Variants in GALNT2 observed in about 807,000 individuals in gnomAD.
GALNT2 encodes UDP-GalNAc:polypeptide N-acetylgalactosaminyltransferase 2.
Under a neutral mutation model 81.4 loss-of-function variants are expected in GALNT2, and 31 were observed. The ratio of observed to expected loss-of-function variants is 0.38; its 90% CI spans 0.29 to 0.51. GALNT2 has a LOEUF of 0.51. Among genes scored for constraint, GALNT2 ranks in the 20% least tolerant of loss-of-function variants. GALNT2 has a pLI of 0.87. For synonymous variants in GALNT2, 303 were observed against 287.4 expected, an observed-to-expected ratio of 1.05 and a Z score of -0.55; for missense variants, 629 against 765.7, an observed-to-expected ratio of 0.82 and a Z score of 2.11.
intron 3 of GALNT2, among the ~76,000 whole-genome samples, chr1:230,211,590 G>T (rs1052861075): frequency 6.6e-6 from 1 of 151,962 alleles, no homozygotes; most frequent in Non-Finnish European, 1.5e-5. Flanking sequence ...AGACCAACCT[G>T]GGCAATATAG....
intron 10 of GALNT2, among the ~76,000 whole-genome samples, chr1:230,253,002 G>A (rs61823321): frequency 3.3e-5 from 5 of 151,752 alleles, no homozygotes; most frequent in South Asian, 2.1e-4. Context: ...ATGTGCCACC[G>A]TGCCCGGCTA....
At chr1:230,223,524 A>G (rs538878065) in intron 3 of GALNT2, among the ~76,000 whole-genome samples, 28 of 151,998 alleles carry the variant, frequency 1.8e-4, no homozygotes, top group Non-Finnish European at 3.4e-4. Context: ...GCTGGAGTAC[A>G]GTGGTGTGAT....
intron 3 of GALNT2, among the ~76,000 whole-genome samples, chr1:230,219,209 G>T (rs550013437): frequency 6.6e-6 from 1 of 152,178 alleles, no homozygotes; most frequent in East Asian, 1.9e-4. Context: ...CTTTGCCATG[G>T]CCCTTTAAAC....
intron 1 of GALNT2, among the ~76,000 whole-genome samples, chr1:230,148,040 A>C (rs966685727): frequency 1.3e-5 from 2 of 152,204 alleles, no homozygotes; most frequent in Non-Finnish European, 2.9e-5. Context: ...GTATTATTAC[A>C]TACAGGTGCA....
intron 2 of GALNT2, among the ~76,000 whole-genome samples, chr1:230,186,353 C>A (rs1663336951): frequency 6.6e-6 from 1 of 152,154 alleles, no homozygotes; most frequent in East Asian, 1.9e-4. Flanking sequence ...TGCATGCAGT[C>A]AATTTGTGTG....
chr1:230,062,967 A>G (rs1659084619), upstream of GALNT2, among the ~76,000 whole-genome samples: 1 of 152,126 alleles, frequency 6.6e-6, no homozygotes, highest in Non-Finnish European at 1.5e-5. Context: ...AAGGGTTCCA[A>G]TTTCTCTACA....
At chr1:230,068,382 C>G (rs941649622) in intron 1 of GALNT2, among the ~76,000 whole-genome samples, 8 of 152,204 alleles carry the variant, frequency 5.3e-5, no homozygotes, top group African/African-American at 1.7e-4. Flanking sequence ...TGGAGCATGC[C>G]GGCAGGGGAC....
At chr1:230,066,107 A>G (rs1659167253), upstream of GALNT2, among the ~76,000 whole-genome samples, 1 of 152,222 alleles carries the variant, frequency 6.6e-6, no homozygotes, top group Non-Finnish European at 1.5e-5. Flanking sequence ...ATTCTCTCTA[A>G]GTAATGCTGA....
intron 2 of GALNT2, among the ~76,000 whole-genome samples, chr1:230,201,639 C>T (rs746787004): frequency 1.1e-4 from 17 of 152,168 alleles, no homozygotes; most frequent in Non-Finnish European, 2.5e-4. Flanking sequence ...GCTGTCTCCC[C>T]CTTGCTGCCC....
At chr1:230,120,148 T>C (rs1412050821) in intron 1 of GALNT2, among the ~76,000 whole-genome samples, 1 of 146,182 alleles carries the variant, frequency 6.8e-6, no homozygotes, top group Non-Finnish European at 1.5e-5. Flanking sequence ...CACTAGCCTC[T>C]TGCATGCGTT....
intron 1 of GALNT2, among the ~76,000 whole-genome samples, chr1:230,097,703 T>C: frequency 6.6e-6 from 1 of 152,214 alleles, no homozygotes; most frequent in East Asian, 1.9e-4. Context: ...TCATGACTAG[T>C]AATGCTGTTC....
chr1:230,265,223 T>A lies in GALNT2; in HGVS notation c.1314-18T>A, dbSNP rs780325790. On this transcript the variant is annotated intron_variant, in intron 13 of 15. Coordinates refer to ENST00000366672, the MANE Select transcript of GALNT2 (RefSeq NM_004481.5). The stretch of plus-strand genomic sequence containing the variant: ...GGTCATGTGCAGTGAAGCAGGTGAT[T>A]CTCACGTTGTTTTTCAGGGTTCCAG... 1 of 1,614,116 alleles carries A rather than the reference T, an allele frequency of 6.2e-7. No individual in the cohort carries two copies. The highest frequency in any genetic ancestry group is 8.5e-7 in the Non-Finnish European group (1 of 1,179,980).
intron 4 of GALNT2, 62 bp from the exon 5 acceptor site, chr1:230,236,291 C>T: frequency 6.5e-7 from 1 of 1,532,364 alleles, no homozygotes; most frequent in Non-Finnish European, 9.0e-7. Flanking sequence ...AATTTTCTAC[C>T]CCAGGCTAAA....
upstream of GALNT2, among the ~76,000 whole-genome samples, chr1:230,063,369 C>T (rs72758257): frequency 2.8e-4 from 43 of 151,956 alleles, no homozygotes; most frequent in African/African-American, 9.4e-4. Context: ...TGGTATCTCA[C>T]TGTGGGTTTT....
chr1:230,252,994 G>C (rs759279577), intron 10 of GALNT2, among the ~76,000 whole-genome samples: 1 of 151,910 alleles, frequency 6.6e-6, no homozygotes, highest in Non-Finnish European at 1.5e-5. Flanking sequence ...TTACAGGCAT[G>C]TGCCACCGTG....
At chr1:230,235,041 C>T (rs932266675) in intron 3 of GALNT2, among the ~76,000 whole-genome samples, 1 of 151,732 alleles carries the variant, frequency 6.6e-6, no homozygotes, top group Non-Finnish European at 1.5e-5. Flanking sequence ...GAGTGAGACC[C>T]CCATCTCTAC....
chr1:230,135,400 C>CT (rs150218704), intron 1 of GALNT2, among the ~76,000 whole-genome samples: 21,024 of 152,180 alleles, frequency 0.14, 1,508 homozygotes, highest in South Asian at 0.23. Flanking sequence ...CATTTTCCAG[C>CT]TTTCTTCATC....
intron 3 of GALNT2, among the ~76,000 whole-genome samples, chr1:230,211,026 G>T (rs375079756): frequency 1.2e-4 from 18 of 152,200 alleles, no homozygotes; most frequent in East Asian, 1.9e-4. Flanking sequence ...TTCTTTTTAG[G>T]GGGGCAGAAG....
chr1:230,141,714 G>C (rs1482656368), intron 1 of GALNT2, among the ~76,000 whole-genome samples: 1 of 151,370 alleles, frequency 6.6e-6, no homozygotes, highest in African/African-American at 2.4e-5. Context: ...GGTCCTTATG[G>C]CTATTGTGAA....
Sources: gnomAD v4.1 joint callset for allele counts (sites outside exome capture counted in the v4.1 genomes callset) on GRCh38, gnomAD v4.1.1 for gene constraint, MANE v1.5 for transcripts, NCBI Gene and HGNC (gene_info 2026-07-23, HGNC 2026-07-21) for gene names.